Variants in THADA observed in about 807,000 individuals in gnomAD.
THADA encodes the protein THADA armadillo repeat containing.
THADA carries 213 observed loss-of-function variants against 219.8 expected under a neutral mutation model. That is an observed-to-expected ratio of 0.97 (90% CI 0.87 to 1.09). The LOEUF is 1.09. THADA is among the 50% of genes least tolerant of loss of function. The pLI, the probability that THADA is intolerant of heterozygous loss-of-function variation, is 0.00. For missense variants in THADA, 2,956 were observed against 2,311.3 expected (o/e 1.28, Z -5.72); for synonymous variants, 1,018 against 828.9 (o/e 1.23, Z -3.92).
chr2:43,497,296 T>A (rs966785899), intron 25 of THADA, among the ~76,000 whole-genome samples: 1 of 152,138 alleles, frequency 6.6e-6, no homozygotes, highest in African/African-American at 2.4e-5. Context: ...CAAATGCCCA[T>A]CAATGATAGA....
At chr2:43,357,584 C>T (rs1244959758) in intron 29 of THADA, among the ~76,000 whole-genome samples, 27 of 150,868 alleles carry the variant, frequency 1.8e-4, no homozygotes, top group Non-Finnish European at 4.0e-4. Flanking sequence ...TCATCTTCAG[C>T]AGCACTGGTT....
intron 28 of THADA, among the ~76,000 whole-genome samples, chr2:43,409,686 C>A (rs1203733305): frequency 6.6e-6 from 1 of 152,038 alleles, no homozygotes; most frequent in South Asian, 2.1e-4. Context: ...AGAAATAAAT[C>A]TATGTCTAAA....
At position 43,574,653 on chromosome 2, in the gene THADA, A is replaced by G; in HGVS notation, c.1412T>C (p.Leu471Ser). The G allele has an allele frequency of 6.2e-7, 1 of 1,614,018 alleles. No homozygotes were observed. The highest frequency in any genetic ancestry group is 8.5e-7 in the Non-Finnish European group (1 of 1,179,902). ...AGATGGAATAGTTTTATCTATAGCCAAAATATGTTCAACTCCTATGCACTC... is the reference window on the plus strand; with the variant it reads ...AGATGGAATAGTTTTATCTATAGCCGAAATATGTTCAACTCCTATGCACTC... ...LVECIGVEHI[L>S]AIDKTIPSQI... Residue 471 changes from leucine (L) to serine (S), a missense_variant, in exon 11 of 38, where the codon TTG (leucine) becomes TCG (serine). Physicochemically the swap from Leu to Ser is moderately radical, Grantham distance 145. Transcript: ENST00000405975.
intron 28 of THADA, among the ~76,000 whole-genome samples, chr2:43,405,501 G>A (rs1675429488): frequency 6.6e-6 from 1 of 152,104 alleles, no homozygotes; most frequent in Non-Finnish European, 1.5e-5. Context: ...TTCTTCCTAT[G>A]CCAATATTCC....
rs1156370596 is a variant in THADA, at chr2:43,377,070, T to C, written c.4227+20901A>G. On this transcript the variant is annotated intron_variant, in intron 29 of 37. Transcript: ENST00000405975. ...ACACGACCTATTCTTGGGCAGAACATAGCCCCGGGAGTGGCACAATATCGT... is the reference window on the plus strand; with the variant it reads ...ACACGACCTATTCTTGGGCAGAACACAGCCCCGGGAGTGGCACAATATCGT... Among the ~76,000 whole-genome samples, 3 of 152,182 alleles carry C rather than the reference T, an allele frequency of 2.0e-5. No homozygotes were observed. In the South Asian group the frequency reaches 6.2e-4, roughly 32 times the overall value.
chr2:43,264,541 T>C (rs1671310852), intron 36 of THADA, among the ~76,000 whole-genome samples: 1 of 152,108 alleles, frequency 6.6e-6, no homozygotes, highest in Admixed American at 6.6e-5. Context: ...CACCTCTGCC[T>C]CCCAAAGTGC....
intron 30 of THADA, chr2:43,343,828 T>C (rs769360768): frequency 9.2e-5 from 24 of 260,724 alleles, no homozygotes; most frequent in Non-Finnish European, 1.6e-4. Flanking sequence ...TTCATTGTTA[T>C]AATATCTAAC....
intron 29 of THADA, among the ~76,000 whole-genome samples, chr2:43,371,536 A>C (rs1349935543): frequency 2.0e-5 from 3 of 152,220 alleles, no homozygotes; most frequent in Non-Finnish European, 4.4e-5. Flanking sequence ...ATGTTAAACA[A>C]TATTCAGTAA....
At chr2:43,365,460 A>C (rs1453901770) in intron 29 of THADA, among the ~76,000 whole-genome samples, 1 of 151,780 alleles carries the variant, frequency 6.6e-6, no homozygotes, top group Non-Finnish European at 1.5e-5. Context: ...AGTCCCAGCT[A>C]CTAGGGAGGC....
intron 1 of THADA, among the ~76,000 whole-genome samples, chr2:43,594,818 C>A (rs1701968443): frequency 6.6e-6 from 1 of 152,136 alleles, no homozygotes; most frequent in African/African-American, 2.4e-5. Flanking sequence ...CTCCTTCTCA[C>A]CATTCATGTT....
intron 28 of THADA, among the ~76,000 whole-genome samples, chr2:43,424,411 C>G (rs527902902): frequency 6.6e-6 from 1 of 152,232 alleles, no homozygotes; most frequent in Non-Finnish European, 1.5e-5. Context: ...AAAACCCTTC[C>G]AAGTACATAA....
chr2:43,245,848 C>T (rs562569942), intron 36 of THADA, among the ~76,000 whole-genome samples: 1 of 152,244 alleles, frequency 6.6e-6, no homozygotes, highest in Non-Finnish European at 1.5e-5. Flanking sequence ...ATTTGAAAAT[C>T]AGAAAAACTC....
intron 29 of THADA, among the ~76,000 whole-genome samples, chr2:43,370,612 T>C (rs1280413318): frequency 6.6e-6 from 1 of 152,176 alleles, no homozygotes; most frequent in African/African-American, 2.4e-5. Flanking sequence ...ACTTATATAA[T>C]ATCCAAAAAA....
intron 24 of THADA, among the ~76,000 whole-genome samples, chr2:43,503,394 A>C (rs530824218): frequency 6.6e-6 from 1 of 152,206 alleles, no homozygotes; most frequent in East Asian, 1.9e-4. Context: ...GGAGCTTACT[A>C]ATCTTAAAAT....
At chr2:43,443,208 C>T (rs561732031) in intron 26 of THADA, among the ~76,000 whole-genome samples, 2 of 152,292 alleles carry the variant, frequency 1.3e-5, no homozygotes, top group East Asian at 3.9e-4. Context: ...CTGGTGCCTA[C>T]TAAACAGTTG....
At chr2:43,528,717 G>A (rs1693494232) in intron 21 of THADA, among the ~76,000 whole-genome samples, 1 of 152,086 alleles carries the variant, frequency 6.6e-6, no homozygotes, top group Non-Finnish European at 1.5e-5. Flanking sequence ...AACTCCAACA[G>A]AAAATCACAC....
intron 21 of THADA, among the ~76,000 whole-genome samples, chr2:43,531,996 T>C (rs1457190779): frequency 6.6e-6 from 1 of 152,090 alleles, no homozygotes; most frequent in African/African-American, 2.4e-5. Flanking sequence ...TGTGTGTTTT[T>C]TTTTAATCCT....
At chr2:43,291,615 C>A in intron 34 of THADA, 81 bp downstream of exon 34, 1 of 1,078,128 alleles carries the variant, frequency 9.3e-7, no homozygotes, top group Admixed American at 2.9e-5. Context: ...CCTGCTAAGA[C>A]TGTTCACTTT....
intron 25 of THADA, among the ~76,000 whole-genome samples, chr2:43,492,703 G>C (rs1465195410): frequency 1.3e-5 from 2 of 152,160 alleles, no homozygotes; most frequent in African/African-American, 4.8e-5. Context: ...ACCATGAAAA[G>C]ACAGTTAAAA....
Sources: gnomAD v4.1 joint callset for allele counts (sites outside exome capture counted in the v4.1 genomes callset) on GRCh38, gnomAD v4.1.1 for gene constraint, MANE v1.5 for transcripts, NCBI Gene and HGNC (gene_info 2026-07-23, HGNC 2026-07-21) for gene names.